The following FMNL2 variants were observed in gnomAD, a reference collection of about 807,000 sequenced individuals.
The protein encoded by FMNL2 is formin-like protein 2.
FMNL2 carries 51 observed loss-of-function variants against 130.2 expected under a neutral mutation model. The observed-to-expected ratio is 0.39, with a 90% CI of 0.31 to 0.49. FMNL2 has a LOEUF of 0.49. FMNL2 is among the 20% of genes least tolerant of loss of function. FMNL2 has a pLI of 0.85. For missense variants in FMNL2, 977 were observed against 1,316.2 expected (o/e 0.74, Z 3.99); for synonymous variants, 465 against 467.1 (o/e 1.00, Z 0.06).
rs545849717 is a variant in FMNL2 at position 152,561,073 on chromosome 2, G to A, written c.596+38G>A. 106 of 1,548,900 alleles carry A rather than the reference G, an allele frequency of 6.8e-5. 3 individuals carry two copies. The South Asian group carries it at 1.0e-3, about 15-fold the overall frequency. ...AATCAGGAGGCAACTTTGGCAGGAT[G>A]CACTGGGACAGCAGGCTCCTACTTC... is the stretch of plus-strand genomic sequence containing the variant. On this transcript the variant is annotated intron_variant, in intron 6 of 25. Transcript: ENST00000288670.
At position 152,647,922 on chromosome 2, in the gene FMNL2, CATGAATACAGGGTGTGCGTGA is replaced by C; in HGVS notation, c.*23_*43del. ...ACAATGTGAACCTGAGACTGGCCTGCATGAATACAGGGTGTGCGTGAATGAAACTGCCCACATGAACTTTAT... is the reference window on the plus strand; with the variant it reads ...ACAATGTGAACCTGAGACTGGCCTGCATGAAACTGCCCACATGAACTTTAT... On this transcript the variant is annotated 3_prime_UTR_variant, in exon 26 of 26. Transcript: ENST00000288670. The C allele has an allele frequency of 6.3e-7, 1 of 1,594,016 alleles. No homozygotes were observed. The highest frequency in any genetic ancestry group is 1.1e-5 in the South Asian group (1 of 89,440).
intron 1 of FMNL2, among the ~76,000 whole-genome samples, chr2:152,349,841 C>T (rs779018695): frequency 1.3e-5 from 2 of 152,198 alleles, no homozygotes; most frequent in African/African-American, 2.4e-5. Flanking sequence ...ACTTTTCATT[C>T]TACATTGTGC....
chr2:152,535,068 A>G (rs12474927), intron 2 of FMNL2, among the ~76,000 whole-genome samples: 25,854 of 152,196 alleles, frequency 0.17, 2,727 homozygotes, highest in Non-Finnish European at 0.25. Context: ...AGAGGTACAC[A>G]GTATTAATCA....
chr2:152,561,346 T>A (rs1031403320), intron 6 of FMNL2, among the ~76,000 whole-genome samples: 2 of 152,100 alleles, frequency 1.3e-5, no homozygotes, highest in African/African-American at 4.8e-5. Context: ...AATGTTGACA[T>A]CCTGATGGAG....
chr2:152,483,111 T>C (rs1287811189), intron 1 of FMNL2, among the ~76,000 whole-genome samples: 2 of 152,330 alleles, frequency 1.3e-5, no homozygotes, highest in East Asian at 1.9e-4. Flanking sequence ...ATCTTATGAA[T>C]AGTCTTATTG....
At chr2:152,387,187 T>G (rs926758126) in intron 1 of FMNL2, among the ~76,000 whole-genome samples, 4 of 152,022 alleles carry the variant, frequency 2.6e-5, no homozygotes, top group Non-Finnish European at 5.9e-5. Flanking sequence ...CCAACTGTTA[T>G]CTATAGTGTG....
intron 10 of FMNL2, among the ~76,000 whole-genome samples, chr2:152,609,172 C>G (rs1030823312): frequency 1.3e-5 from 2 of 152,202 alleles, no homozygotes; most frequent in Non-Finnish European, 2.9e-5. Context: ...GTTCCATTTT[C>G]TGTCAGTTCG....
chr2:152,596,266 T>G (rs761834526), intron 9 of FMNL2, among the ~76,000 whole-genome samples: 1 of 148,992 alleles, frequency 6.7e-6, no homozygotes, highest in Admixed American at 6.6e-5. Flanking sequence ...CCCGGCTGTC[T>G]TTTTTTTCTA....
chr2:152,478,542 T>G (rs1690301218), intron 1 of FMNL2, among the ~76,000 whole-genome samples: 1 of 151,940 alleles, frequency 6.6e-6, no homozygotes, highest in Admixed American at 6.6e-5. Flanking sequence ...GGCCTGAAAA[T>G]TTTTTTAGTT....
intron 1 of FMNL2, among the ~76,000 whole-genome samples, chr2:152,365,926 C>G (rs965719888): frequency 3.9e-5 from 6 of 152,160 alleles, no homozygotes; most frequent in Non-Finnish European, 8.8e-5. Context: ...TTGTTTGCAT[C>G]AGGGACTCCT....
At position 152,619,664 on chromosome 2, in the gene FMNL2, C is replaced by G. The variant is rs1671412799; in HGVS notation, c.1783C>G (p.Pro595Ala). 1 of 1,612,018 alleles carries G rather than the reference C, an allele frequency of 6.2e-7. No individual in the cohort carries two copies. The highest frequency in any genetic ancestry group is 8.5e-7 in the Non-Finnish European group (1 of 1,179,460). The change falls in exon 15 of 26, where the codon CCT (proline) becomes GCT (alanine). Residue 595 changes from proline to alanine, a missense_variant. Physicochemically the swap from Pro to Ala is conservative, Grantham distance 27 (BLOSUM62 -1). Coordinates refer to ENST00000288670, the MANE Select transcript of FMNL2 (RefSeq NM_052905.4). ...CTTAGCACCTCCCCTTCCCTCTGCA[C>G]CTCCGCTGCCTGGAACATCTTCACC... ...PPLAPPLPSAPPLPGTSSPTV... is the reference protein window; with the variant it reads ...PPLAPPLPSAAPLPGTSSPTV...
At chr2:152,390,980 C>G (rs571949057) in intron 1 of FMNL2, among the ~76,000 whole-genome samples, 8 of 152,336 alleles carry the variant, frequency 5.3e-5, no homozygotes, top group Admixed American at 5.2e-4. Flanking sequence ...TATTGGCAAC[C>G]TTCACACCCT....
chr2:152,412,449 TATATATA>T (rs1686350683), intron 1 of FMNL2, among the ~76,000 whole-genome samples: 130 of 10,336 alleles, frequency 0.013, no homozygotes, highest in Middle Eastern at 0.05. Context: ...GTATATTTTA[TATATATA>T]TATATATATA....
intron 15 of FMNL2, among the ~76,000 whole-genome samples, chr2:152,624,756 G>A (rs1046511180): frequency 6.6e-6 from 1 of 152,156 alleles, no homozygotes; most frequent in South Asian, 2.1e-4. Context: ...AGGATTGCCC[G>A]AGCCTGGGAG....
At chr2:152,611,089 C>T (rs1209179920) in intron 10 of FMNL2, among the ~76,000 whole-genome samples, 2 of 152,086 alleles carry the variant, frequency 1.3e-5, no homozygotes, top group Admixed American at 6.6e-5. Context: ...GCCTGTAATC[C>T]CAGCACTTTG....
chr2:152,536,153 C>T (rs113596124), intron 2 of FMNL2, among the ~76,000 whole-genome samples: 247 of 152,306 alleles, frequency 1.6e-3, no homozygotes, highest in African/African-American at 5.6e-3. Context: ...CTCTTCTAGC[C>T]CACCCTGCAC....
intron 4 of FMNL2, among the ~76,000 whole-genome samples, chr2:152,549,732 TC>T (rs1694834739): frequency 6.6e-6 from 1 of 152,202 alleles, no homozygotes; most frequent in Admixed American, 6.5e-5. Context: ...TATTATATTC[TC>T]CCTTACCCCT....
At chr2:152,608,244 A>G (rs1004801427) in intron 10 of FMNL2, among the ~76,000 whole-genome samples, 1 of 152,064 alleles carries the variant, frequency 6.6e-6, no homozygotes, top group East Asian at 1.9e-4. Flanking sequence ...AGACGTACCA[A>G]TGACTCCTTA....
chr2:152,489,727 A>G (rs911745828), intron 1 of FMNL2, among the ~76,000 whole-genome samples: 4 of 152,178 alleles, frequency 2.6e-5, no homozygotes, highest in Non-Finnish European at 4.4e-5. Context: ...TACCTTATAC[A>G]TTGATGTTAC....
Sources: allele counts gnomAD v4.1 joint callset (sites outside exome capture counted in the v4.1 genomes callset), GRCh38; gene constraint gnomAD v4.1.1; transcripts MANE v1.5; gene names NCBI Gene and HGNC (gene_info 2026-07-23, HGNC 2026-07-21).